RASA1: variants seen among roughly 807,000 people sequenced by gnomAD.
The protein encoded by RASA1 is RAS p21 protein activator 1, also known as ras GTPase-activating protein 1.
A neutral mutation model predicts 132.2 loss-of-function variants in RASA1; 25 were observed. The ratio of observed to expected loss-of-function variants is 0.19; its 90% confidence interval spans 0.14 to 0.26. RASA1 has a LOEUF of 0.26. Ranked by LOEUF, RASA1 falls within the 10% of genes least tolerant of loss-of-function variation. The probability of loss-of-function intolerance (pLI) is 1.00; values close to 1 mark genes in which losing one functional copy is unlikely to be tolerated. For missense variants in RASA1, 964 were observed against 1,299.2 expected, an observed-to-expected ratio of 0.74 and a Z score of 3.97; for synonymous variants, 477 against 449.9, an observed-to-expected ratio of 1.06 and a Z score of -0.76.
At chr5:87,320,128 A>T (rs1401780894) in intron 1 of RASA1, among the ~76,000 whole-genome samples, 2 of 152,140 alleles carry the variant, frequency 1.3e-5, no homozygotes, top group African/African-American at 4.8e-5. Flanking sequence ...TAAGTTCCTC[A>T]TCTCCATCTG....
intron 1 of RASA1, among the ~76,000 whole-genome samples, chr5:87,323,253 C>T (rs1432772390): frequency 6.6e-6 from 1 of 152,102 alleles, no homozygotes; most frequent in East Asian, 1.9e-4. Flanking sequence ...AGGAGAAACA[C>T]TTTGAGAAAG....
chr5:87,381,612 T>A (rs1761722379), intron 20 of RASA1, among the ~76,000 whole-genome samples: 1 of 152,192 alleles, frequency 6.6e-6, no homozygotes, highest in Admixed American at 6.6e-5. Context: ...ATATTTCTCT[T>A]GGTTATGATA....
At chr5:87,291,287 TG>T (rs1754900926) in intron 1 of RASA1, among the ~76,000 whole-genome samples, 1 of 152,178 alleles carries the variant, frequency 6.6e-6, no homozygotes, top group Non-Finnish European at 1.5e-5. Context: ...CCCAGCACTT[TG>T]GGAGGCTGAG....
At chr5:87,367,422 A>G (rs1760607058) in intron 11 of RASA1, among the ~76,000 whole-genome samples, 2 of 152,242 alleles carry the variant, frequency 1.3e-5, no homozygotes, top group South Asian at 4.1e-4. Context: ...ACTAATGTGA[A>G]AGTTAACAGC....
At chr5:87,327,567 CT>C (rs1164525710) in intron 1 of RASA1, among the ~76,000 whole-genome samples, 12 of 152,152 alleles carry the variant, frequency 7.9e-5, no homozygotes, top group African/African-American at 2.9e-4. Flanking sequence ...TCTTGGTCTT[CT>C]GCTAGTATGC....
intron 1 of RASA1, among the ~76,000 whole-genome samples, chr5:87,317,727 C>T (rs1756450614): frequency 6.6e-6 from 1 of 151,940 alleles, no homozygotes; most frequent in South Asian, 2.1e-4. Context: ...CCTCGGCCAC[C>T]TGGGTTCAAT....
intron 8 of RASA1, 122 bp from the exon 9 acceptor site, chr5:87,353,035 T>C (rs1422864875): frequency 1.4e-6 from 1 of 690,206 alleles, no homozygotes; most frequent in Non-Finnish European, 2.6e-6. Context: ...AATGTATTTG[T>C]GTTATGTGCT....
At chr5:87,276,868 C>G (rs929616681) in intron 1 of RASA1, among the ~76,000 whole-genome samples, 17 of 152,106 alleles carry the variant, frequency 1.1e-4, no homozygotes, top group Non-Finnish European at 1.9e-4. Flanking sequence ...ACAGAAGTAG[C>G]CTTAGGTAGA....
At chr5:87,275,401 A>G (rs1754019888) in intron 1 of RASA1, among the ~76,000 whole-genome samples, 1 of 152,156 alleles carries the variant, frequency 6.6e-6, no homozygotes, top group Non-Finnish European at 1.5e-5. Flanking sequence ...AAATTTGTGT[A>G]TGGCTTTATG....
intron 1 of RASA1, among the ~76,000 whole-genome samples, chr5:87,321,655 T>C: frequency 6.6e-6 from 1 of 152,208 alleles, no homozygotes; most frequent in Middle Eastern, 3.2e-3. Flanking sequence ...TCTGGAAGGG[T>C]CCCAAATGTA....
intron 11 of RASA1, chr5:87,366,316 C>T (rs1222788298): frequency 2.7e-6 from 1 of 375,966 alleles, no homozygotes; most frequent in Non-Finnish European, 5.5e-6. Context: ...TGAAGAAAAG[C>T]TTTAGCATTA....
intron 1 of RASA1, among the ~76,000 whole-genome samples, chr5:87,321,685 A>G (rs1306024295): frequency 6.6e-6 from 1 of 152,242 alleles, no homozygotes; most frequent in Non-Finnish European, 1.5e-5. Context: ...GTTTCCGTGG[A>G]GTTAGGGTAT....
At position 87,332,630 on chromosome 5, in the gene RASA1, T is replaced by G. The variant is rs1462981952; in HGVS notation, c.816T>G (p.Val272=). 6.2e-7 allele frequency: 1 copy of G among 1,610,598 alleles called. No individual in the cohort carries two copies. The highest frequency in any genetic ancestry group is 2.2e-5 in the East Asian group (1 of 44,662). ...LLKGEKLLYP[V]APPEPVEDRR... is the part of the protein sequence containing the mutation. ...AAGGAGAAAAATTACTTTACCCAGT[T>G]GCACCACCAGAGGCAAGTAAAATGA... The change falls in exon 3 of 25, where the codon GTT becomes GTG. Residue 272 remains valine (V), a synonymous_variant. Transcript: ENST00000274376.
intron 1 of RASA1, among the ~76,000 whole-genome samples, chr5:87,316,439 C>T (rs979921307): frequency 2.0e-5 from 3 of 152,192 alleles, no homozygotes; most frequent in Non-Finnish European, 4.4e-5. Flanking sequence ...TGGACAATCA[C>T]AAAAATACTT....
At position 87,331,572 on chromosome 5, in the gene RASA1, A is replaced by G. The variant is rs905548578; in HGVS notation, c.692+72A>G. ...ATATAATATTCATAAATATACCTGT[A>G]TAATAAAGGTGAATGACTCAGTAAC... is the stretch of plus-strand genomic sequence containing the variant. On this transcript the variant is annotated intron_variant, in intron 2 of 24. Coordinates refer to ENST00000274376, the MANE Select transcript of RASA1 (RefSeq NM_002890.3). The G allele has an allele frequency of 1.2e-5, 18 of 1,513,880 alleles. No individual in the cohort carries two copies. The Admixed American group carries it at 1.3e-4, about 11-fold the overall frequency. 93.8% of individuals were successfully genotyped at this position (1,513,880 alleles called of 1,614,324 possible).
chr5:87,343,445 C>T (rs1052283908), intron 6 of RASA1, among the ~76,000 whole-genome samples: 9 of 152,072 alleles, frequency 5.9e-5, no homozygotes, highest in African/African-American at 2.2e-4. Context: ...TCCTTAACTG[C>T]CAGCAGGTAT....
At chr5:87,312,309 G>C (rs1182043450) in intron 1 of RASA1, among the ~76,000 whole-genome samples, 1 of 152,124 alleles carries the variant, frequency 6.6e-6, no homozygotes, top group Non-Finnish European at 1.5e-5. Flanking sequence ...TCTGTCTTCT[G>C]TTAAGTTAGA....
intron 12 of RASA1, 47 bp from the exon 13 acceptor site, chr5:87,372,071 C>T: frequency 1.3e-6 from 2 of 1,530,952 alleles, no homozygotes; most frequent in Non-Finnish European, 1.8e-6. Flanking sequence ...ATTTGGAAGC[C>T]AAATAAACTA....
intron 15 of RASA1, 160 bp from the exon 16 acceptor site, chr5:87,376,233 T>TAA: frequency 1.2e-6 from 1 of 806,722 alleles, no homozygotes; most frequent in Non-Finnish European, 2.0e-6. Context: ...AGACACTCAG[T>TAA]AAATAAACAA....
Sources: gnomAD v4.1 joint callset for allele counts (sites outside exome capture counted in the v4.1 genomes callset) on GRCh38, gnomAD v4.1.1 for gene constraint, MANE v1.5 for transcripts, NCBI Gene and HGNC (gene_info 2026-07-23, HGNC 2026-07-21) for gene names.